Variants in CHSY3 observed in about 807,000 individuals in gnomAD.
CHSY3 encodes the protein chondroitin sulfate synthase 3.
Under a neutral mutation model 67.2 loss-of-function variants are expected in CHSY3, and 35 were observed. The observed-to-expected ratio is 0.52, with a 90% CI of 0.40 to 0.69. CHSY3 has a LOEUF of 0.69. Ranked by LOEUF, CHSY3 falls within the 30% of genes least tolerant of loss-of-function variation. The pLI, the probability that CHSY3 is intolerant of heterozygous loss-of-function variation, is 0.00. For synonymous variants in CHSY3, 474 were observed against 434.7 expected (o/e 1.09, Z -1.12); for missense variants, 1,069 against 1,138.5 (o/e 0.94, Z 0.88).
intron 2 of CHSY3, among the ~76,000 whole-genome samples, chr5:130,115,993 A>G (rs1488483596): frequency 6.6e-6 from 1 of 152,166 alleles, no homozygotes; most frequent in East Asian, 1.9e-4. Context: ...CGGATCACAC[A>G]GGAGGTTCTC....
At chr5:130,056,194 G>T (rs1028362837) in intron 2 of CHSY3, among the ~76,000 whole-genome samples, 13 of 151,870 alleles carry the variant, frequency 8.6e-5, no homozygotes, top group African/African-American at 3.1e-4. Flanking sequence ...ATGGCATGGA[G>T]TTGACATTTA....
intron 2 of CHSY3, among the ~76,000 whole-genome samples, chr5:129,932,069 A>T (rs1363949644): frequency 6.7e-6 from 1 of 149,764 alleles, no homozygotes; most frequent in Non-Finnish European, 1.5e-5. Flanking sequence ...TTGTATATAA[A>T]CAATAAAACC....
chr5:130,049,473 G>A (rs1033744695), intron 2 of CHSY3, among the ~76,000 whole-genome samples: 2 of 152,012 alleles, frequency 1.3e-5, no homozygotes, highest in South Asian at 2.1e-4. Flanking sequence ...CATTCTCAAT[G>A]TTCTGTTACT....
chr5:130,120,386 A>G (rs1397130715), intron 2 of CHSY3, among the ~76,000 whole-genome samples: 1 of 151,890 alleles, frequency 6.6e-6, no homozygotes, highest in African/African-American at 2.4e-5. Flanking sequence ...CCTGTAAGAT[A>G]ACACTCAGGC....
intron 2 of CHSY3, among the ~76,000 whole-genome samples, chr5:130,029,444 T>G: frequency 6.6e-6 from 1 of 152,060 alleles, no homozygotes; most frequent in East Asian, 1.9e-4. Context: ...GCATTATTAA[T>G]AGAATATAGA....
At chr5:129,982,234 G>T (rs1051424393) in intron 2 of CHSY3, among the ~76,000 whole-genome samples, 1 of 151,284 alleles carries the variant, frequency 6.6e-6, no homozygotes, top group Non-Finnish European at 1.5e-5. Flanking sequence ...ACTGATTCTT[G>T]TCCTCACATC....
At chr5:130,024,214 C>A (rs916463324) in intron 2 of CHSY3, among the ~76,000 whole-genome samples, 1 of 151,356 alleles carries the variant, frequency 6.6e-6, no homozygotes, top group Non-Finnish European at 1.5e-5. Flanking sequence ...GTAACCCCCA[C>A]CCCCAGGGAG....
At chr5:130,077,208 CAGA>C (rs773450328) in intron 2 of CHSY3, among the ~76,000 whole-genome samples, 12 of 151,892 alleles carry the variant, frequency 7.9e-5, no homozygotes, top group Non-Finnish European at 1.8e-4. Flanking sequence ...CACATGTGGC[CAGA>C]AGAAGTATGA....
intron 2 of CHSY3, among the ~76,000 whole-genome samples, chr5:130,004,994 T>C (rs1164087379): frequency 6.6e-6 from 1 of 152,166 alleles, no homozygotes; most frequent in African/African-American, 2.4e-5. Context: ...TTTGTAAGTA[T>C]GCTTAAAAGT....
intron 2 of CHSY3, among the ~76,000 whole-genome samples, chr5:130,098,699 A>C (rs980300113): frequency 3.3e-5 from 5 of 152,222 alleles, no homozygotes; most frequent in African/African-American, 4.8e-5. Flanking sequence ...CTATAGACCC[A>C]GTTTCCTAAT....
intron 2 of CHSY3, among the ~76,000 whole-genome samples, chr5:130,036,418 G>T (rs1315798829): frequency 1.3e-5 from 2 of 152,120 alleles, no homozygotes; most frequent in East Asian, 1.9e-4. Context: ...AATGCACAAA[G>T]ATTGCTTTTG....
chr5:130,022,638 T>G (rs1764426745), intron 2 of CHSY3, among the ~76,000 whole-genome samples: 1 of 151,954 alleles, frequency 6.6e-6, no homozygotes, highest in Non-Finnish European at 1.5e-5. Flanking sequence ...GGGAGTGAAA[T>G]GATAAACTTA....
At chr5:130,008,821 C>T (rs970888157) in intron 2 of CHSY3, among the ~76,000 whole-genome samples, 17 of 152,020 alleles carry the variant, frequency 1.1e-4, no homozygotes, top group African/African-American at 2.7e-4. Context: ...ATTCTATATT[C>T]GAAGTATTCA....
intron 2 of CHSY3, among the ~76,000 whole-genome samples, chr5:129,956,908 G>T (rs1762193871): frequency 6.6e-6 from 1 of 151,950 alleles, no homozygotes; most frequent in South Asian, 2.1e-4. Context: ...GATGCCTCCA[G>T]TTTTGTTTTT....
chr5:129,911,923 G>A (rs550309510), intron 2 of CHSY3, among the ~76,000 whole-genome samples: 1 of 152,232 alleles, frequency 6.6e-6, no homozygotes, highest in East Asian at 1.9e-4. Flanking sequence ...AGGCGTGGTG[G>A]CGGGCGCCTG....
chr5:130,105,495 AAGT>A (rs1767385535), intron 2 of CHSY3, among the ~76,000 whole-genome samples: 1 of 151,822 alleles, frequency 6.6e-6, no homozygotes, highest in South Asian at 2.1e-4. Context: ...GGCCTACATG[AAGT>A]AGTAACATTC....
intron 2 of CHSY3, among the ~76,000 whole-genome samples, chr5:130,180,893 A>T (rs1179393589): frequency 6.6e-6 from 1 of 152,220 alleles, no homozygotes; most frequent in African/African-American, 2.4e-5. Flanking sequence ...TATAGCTATG[A>T]TCATTTCAGA....
At chr5:130,135,674 T>C (rs17839731) in intron 2 of CHSY3, among the ~76,000 whole-genome samples, 3,776 of 152,162 alleles carry the variant, frequency 0.025, 149 homozygotes, top group African/African-American at 0.084. Context: ...TGAAATAATG[T>C]TGAGAAAGCT....
At chr5:129,961,681 C>A (rs116766790) in intron 2 of CHSY3, among the ~76,000 whole-genome samples, 2 of 151,874 alleles carry the variant, frequency 1.3e-5, no homozygotes, top group African/African-American at 4.8e-5. Context: ...CCTTTTCTCT[C>A]CATTAGCCTC....
Sources: gnomAD v4.1 joint callset for allele counts (sites outside exome capture counted in the v4.1 genomes callset) on GRCh38, gnomAD v4.1.1 for gene constraint, MANE v1.5 for transcripts, NCBI Gene and HGNC (gene_info 2026-07-23, HGNC 2026-07-21) for gene names.